The following TF variants were observed in gnomAD, a reference collection of about 807,000 sequenced individuals.
TF encodes the protein serotransferrin.
Under a neutral mutation model 82.4 loss-of-function variants are expected in TF, and 55 were observed. The ratio of observed to expected loss-of-function variants is 0.67; its 90% CI spans 0.54 to 0.84. The LOEUF (loss-of-function observed/expected upper bound fraction) is 0.84, where lower values mean the gene tolerates loss of function less well. TF is among the 40% of genes least tolerant of loss of function. TF has a pLI of 0.00. For synonymous variants in TF, 332 were observed against 332.6 expected, an observed-to-expected ratio of 1.00 and a Z score of 0.02; for missense variants, 737 against 868.4, an observed-to-expected ratio of 0.85 and a Z score of 1.90.
chr3:133,721,025 C>A, the TF span, among the ~76,000 whole-genome samples: 1 of 151,908 alleles, frequency 6.6e-6, no homozygotes, highest in Admixed American at 6.6e-5. Context: ...ATTTGGTTTA[C>A]CTTTTCAAAA....
At chr3:133,761,331 C>T (rs1933985406) in intron 9 of TF, 1 of 158,190 alleles carries the variant, frequency 6.3e-6, no homozygotes, top group Admixed American at 6.3e-5. Context: ...TGCTTGGCTC[C>T]TCTTCACCCC....
chr3:133,745,370 A>G (rs1933470914), upstream of TF, among the ~76,000 whole-genome samples: 1 of 152,238 alleles, frequency 6.6e-6, no homozygotes, highest in Admixed American at 6.5e-5. Context: ...ATGCCTTGAG[A>G]TAATAATCCT....
At chr3:133,738,781 G>A in the TF span, among the ~76,000 whole-genome samples, 1 of 152,132 alleles carries the variant, frequency 6.6e-6, no homozygotes, top group East Asian at 1.9e-4. Context: ...TCTTCAAGGA[G>A]AACTACAAAC....
chr3:133,775,085 A>G (rs1175406267), intron 14 of TF: 1 of 369,776 alleles, frequency 2.7e-6, no homozygotes, highest in East Asian at 6.6e-5. Flanking sequence ...CCTGGCTTAG[A>G]GCGTCACATT....
At chr3:133,742,633 A>G (rs572045318), upstream of TF, among the ~76,000 whole-genome samples, 47 of 152,262 alleles carry the variant, frequency 3.1e-4, no homozygotes, top group African/African-American at 1.1e-3. Flanking sequence ...TCAGGCTGCC[A>G]GGCTGCTGCT....
chr3:133,747,538 T>C (rs1426979349), intron 1 of TF, among the ~76,000 whole-genome samples: 1 of 151,758 alleles, frequency 6.6e-6, no homozygotes, highest in Admixed American at 6.6e-5. Flanking sequence ...CCACAAGGAG[T>C]GGAGATGACA....
At chr3:133,732,521 C>G in the TF span, among the ~76,000 whole-genome samples, 1 of 152,200 alleles carries the variant, frequency 6.6e-6, no homozygotes, top group African/African-American at 2.4e-5. Flanking sequence ...CAACCCACTC[C>G]GGTTCCTTTT....
chr3:133,764,803 T>TA (rs889441872), intron 10 of TF, 72 bp from the exon 11 acceptor site: 267 of 1,456,852 alleles, frequency 1.8e-4, no homozygotes, highest in South Asian at 2.4e-4. Flanking sequence ...AGCTGCAGCA[T>TA]AAAAAAAAGG....
chr3:133,663,719 A>C, the TF span, among the ~76,000 whole-genome samples: 2 of 152,216 alleles, frequency 1.3e-5, no homozygotes, highest in Non-Finnish European at 2.9e-5. Context: ...GACACACCAC[A>C]CTGCTCCTGG....
rs1130465 is a variant in TF at position 133,756,880 on chromosome 3, G to A, written c.741G>A (p.Leu247=). 1 of 1,614,206 alleles carries A rather than the reference G, an allele frequency of 6.2e-7. No individual in the cohort carries two copies. ...GGGACCAGTATGAGCTGCTTTGCCT[G>A]GACAACACCCGGAAGCCGGTAGATG... ...ADRDQYELLC[L]DNTRKPVDEY... The change falls in exon 7 of 17, where the codon CTG becomes CTA. Residue 247 remains leucine (L), a synonymous_variant. Transcript: ENST00000402696.
At chr3:133,713,718 C>T in the TF span, among the ~76,000 whole-genome samples, 236 of 152,218 alleles carry the variant, frequency 1.6e-3, no homozygotes, top group African/African-American at 3.4e-3. Context: ...CCTCAGGGTC[C>T]GGCAGTCAGC....
At position 133,783,678 on chromosome 3, in the gene TF, G is replaced by T. The variant is rs1934570265; in HGVS notation, c.*5058G>T. The T allele has an allele frequency of 6.6e-6, 1 of 152,252 alleles. No homozygotes were observed. The highest frequency in any genetic ancestry group is 1.5e-5 in the Non-Finnish European group (1 of 68,044). 9.4% of individuals were successfully genotyped at this position (152,252 alleles called of 1,614,324 possible). ...AGAACAAAGGGCTAATCTATATTTT[G>T]AAATCAGTATAAAAAGACGAACAGA... is the stretch of plus-strand genomic sequence containing the variant. On this transcript the variant is annotated 3_prime_UTR_variant, in exon 17 of 17. Coordinates refer to ENST00000402696, the MANE Select transcript of TF (RefSeq NM_001063.4).
intron 2 of TF, among the ~76,000 whole-genome samples, chr3:133,752,558 A>G (rs531675016): frequency 1.3e-5 from 2 of 152,302 alleles, no homozygotes; most frequent in African/African-American, 4.8e-5. Flanking sequence ...GATTTACATA[A>G]AAAGAAAATA....
chr3:133,726,699 G>A, the TF span, among the ~76,000 whole-genome samples: 1 of 152,120 alleles, frequency 6.6e-6, no homozygotes, highest in Non-Finnish European at 1.5e-5. Context: ...CCTTCTGCTA[G>A]CTTTTGAATG....
At chr3:133,712,133 G>C in the TF span, among the ~76,000 whole-genome samples, 8 of 152,176 alleles carry the variant, frequency 5.3e-5, no homozygotes, top group African/African-American at 1.4e-4. Flanking sequence ...TGAATTTACT[G>C]GTGTGGTTAC....
chr3:133,709,578 A>C, the TF span: 1 of 169,226 alleles, frequency 5.9e-6, no homozygotes, highest in Non-Finnish European at 1.3e-5. Flanking sequence ...TCTTTGAGGC[A>C]AGAAGTCCTG....
At chr3:133,752,188 G>A (rs1933694482) in intron 2 of TF, among the ~76,000 whole-genome samples, 1 of 150,764 alleles carries the variant, frequency 6.6e-6, no homozygotes, top group African/African-American at 2.4e-5. Flanking sequence ...TGCATCCCAG[G>A]TTCAAGCGAT....
chr3:133,766,485 G>A, intron 12 of TF, 52 bp downstream of exon 12: 1 of 1,612,414 alleles, frequency 6.2e-7, no homozygotes, highest in Non-Finnish European at 8.5e-7. Context: ...AGAAAGCAGG[G>A]TCCTGCCTTA....
chr3:133,686,802 A>G, the TF span, among the ~76,000 whole-genome samples: 2 of 144,892 alleles, frequency 1.4e-5, no homozygotes, highest in South Asian at 4.5e-4. Context: ...CCTCAAGGAT[A>G]TAGAACTAGA....
Sources: allele counts gnomAD v4.1 joint callset (sites outside exome capture counted in the v4.1 genomes callset), GRCh38; gene constraint gnomAD v4.1.1; transcripts MANE v1.5; gene names NCBI Gene and HGNC (gene_info 2026-07-23, HGNC 2026-07-21).